Variants in MTRR observed in about 807,000 individuals in gnomAD.
The protein encoded by MTRR is 5-methyltetrahydrofolate-homocysteine methyltransferase reductase, also known as methionine synthase reductase.
Under a neutral mutation model 79.2 loss-of-function variants are expected in MTRR, and 63 were observed. The ratio of observed to expected loss-of-function variants is 0.80; its 90% confidence interval spans 0.65 to 0.98. The LOEUF (loss-of-function observed/expected upper bound fraction) is 0.98. Among genes scored for constraint, MTRR ranks in the 50% least tolerant of loss-of-function variants. MTRR has a pLI of 0.00. For missense variants in MTRR, 895 were observed against 839.6 expected (o/e 1.07, Z -0.82); for synonymous variants, 355 against 313.3 (o/e 1.13, Z -1.41).
chr5:7,898,107 A>C (rs916827807), intron 14 of MTRR, among the ~76,000 whole-genome samples: 1 of 152,266 alleles, frequency 6.6e-6, no homozygotes, highest in Non-Finnish European at 1.5e-5. Flanking sequence ...CTACTAAGTT[A>C]ATTTCATGTC....
chr5:7,860,312 A>C (rs1482973738), intron 1 of MTRR, among the ~76,000 whole-genome samples: 2 of 152,218 alleles, frequency 1.3e-5, no homozygotes, highest in Non-Finnish European at 2.9e-5. Context: ...CGCACTGCTG[A>C]GCCCTCACAT....
In MTRR at chr5:7,883,034, G is replaced by C. The variant is rs547452530; in HGVS notation, c.781-121G>C. On this transcript the variant is annotated intron_variant, in intron 5 of 14. Coordinates refer to ENST00000440940, the MANE Select transcript of MTRR (RefSeq NM_002454.3). ...ATATCTGCCCTCATTCATTTACCTT[G>C]GAAATGAATACTGAGTAGCCAGGAA... is the stretch of plus-strand genomic sequence containing the variant. 1.6e-4 allele frequency: 204 copies of C among 1,301,544 alleles called. 1 individual carries two copies. In the East Asian group the frequency reaches 3.5e-3, roughly 23 times the overall value. The allele number at this position is 1,301,544 out of a possible 1,614,324, so 80.6% of individuals were successfully genotyped here. A position where few individuals can be genotyped will look rare whatever the true frequency, so the allele number is the denominator to read the frequency against.
chr5:7,882,899 A>C (rs1358361424), intron 5 of MTRR, among the ~76,000 whole-genome samples: 1 of 152,238 alleles, frequency 6.6e-6, no homozygotes, highest in African/African-American at 2.4e-5. Context: ...AGATCTTTAC[A>C]TGAACATGCC....
At chr5:7,890,870 T>A (rs1217405661) in intron 9 of MTRR, among the ~76,000 whole-genome samples, 1 of 152,214 alleles carries the variant, frequency 6.6e-6, no homozygotes, top group African/African-American at 2.4e-5. Flanking sequence ...AACCAAACAC[T>A]TTAATTATTT....
At chr5:7,865,865 G>A (rs1372076639), upstream of MTRR, 3 of 1,512,066 alleles carry the variant, frequency 2.0e-6, no homozygotes, top group Middle Eastern at 1.7e-4. Context: ...GCACCCATGG[G>A]GAAATAAAGC....
At chr5:7,880,210 C>T (rs919072875) in intron 5 of MTRR, among the ~76,000 whole-genome samples, 1 of 152,214 alleles carries the variant, frequency 6.6e-6, no homozygotes, top group East Asian at 1.9e-4. Flanking sequence ...TAGCACGATG[C>T]CCCTGATAGA....
At chr5:7,851,002 T>C, upstream of MTRR, 1 of 1,274,474 alleles carries the variant, frequency 7.8e-7, no homozygotes, top group South Asian at 3.0e-5. Flanking sequence ...CGCGGTGGTC[T>C]CCTCCTCGTC....
At position 7,884,392 on chromosome 5, in the gene MTRR, A is replaced by G. The variant is rs115524625; in HGVS notation, c.903+1115A>G. Among the ~76,000 whole-genome samples the G allele has an allele frequency of 3.3e-3, 501 of 152,310 alleles. 4 individuals are homozygous for G. The highest frequency in any genetic ancestry group is 0.011 in the African/African-American group (460 of 41,554). ...ATGTAAAATGTTACAGTATTTGTAT[A>G]TAATCTATGCACATCCTCCCCTACA... is the stretch of plus-strand genomic sequence containing the variant. On this transcript the variant is annotated intron_variant, in intron 6 of 14. Transcript: ENST00000440940.
At chr5:7,891,156 A>G (rs996604351) in intron 9 of MTRR, among the ~76,000 whole-genome samples, 3 of 152,172 alleles carry the variant, frequency 2.0e-5, no homozygotes, top group Non-Finnish European at 2.9e-5. Flanking sequence ...GAGTAAGAAA[A>G]TGCATCTTAT....
chr5:7,860,980 G>C (rs1479823551), intron 1 of MTRR, among the ~76,000 whole-genome samples: 1 of 152,086 alleles, frequency 6.6e-6, no homozygotes, highest in Non-Finnish European at 1.5e-5. Flanking sequence ...CCTCCCTCTT[G>C]GGTTCCCAAG....
upstream of MTRR, chr5:7,869,129 C>T (rs778014024): frequency 1.2e-6 from 2 of 1,613,466 alleles, no homozygotes; most frequent in Admixed American, 1.7e-5. Context: ...TCCTGGGTAC[C>T]GAGCATGGGC....
At chr5:7,865,032 T>C (rs1462371655), upstream of MTRR, among the ~76,000 whole-genome samples, 1 of 152,186 alleles carries the variant, frequency 6.6e-6, no homozygotes, top group Non-Finnish European at 1.5e-5. Context: ...AAAGAATGCA[T>C]GTGATCTGTA....
chr5:7,869,012 C>G (rs1348687972), upstream of MTRR: 3 of 1,207,288 alleles, frequency 2.5e-6, no homozygotes, highest in African/African-American at 3.0e-5. Flanking sequence ...CGGGTGGTCG[C>G]GGAAGCGCCT....
In MTRR at chr5:7,899,849, G is replaced by A. The variant is rs1279150755; in HGVS notation, c.1953-65G>A. 6.3e-6 allele frequency: 10 copies of A among 1,587,914 alleles called. No individual in the cohort carries two copies. The Admixed American group carries it at 1.7e-4, about 26-fold the overall frequency. On this transcript the variant is annotated intron_variant, in intron 14 of 14. Coordinates refer to ENST00000440940, the MANE Select transcript of MTRR (RefSeq NM_002454.3). The stretch of plus-strand genomic sequence containing the variant: ...TACAGTCAAAAGGAATTAGACTTGT[G>A]AATTAAGGAGGATTTACTAAAAATG...
chr5:7,891,921 A>G (rs1301522155), intron 10 of MTRR, among the ~76,000 whole-genome samples: 2 of 152,186 alleles, frequency 1.3e-5, no homozygotes, highest in Non-Finnish European at 2.9e-5. Flanking sequence ...AGGCGCCTGT[A>G]GTCCCAGCTA....
chr5:7,866,674 G>A (rs898556569), upstream of MTRR: 2 of 1,596,388 alleles, frequency 1.3e-6, no homozygotes, highest in African/African-American at 2.7e-5. Flanking sequence ...AAAGAGGCTT[G>A]AATATTTTTG....
upstream of MTRR, chr5:7,867,984 G>A: frequency 6.2e-7 from 1 of 1,614,066 alleles, no homozygotes; most frequent in Non-Finnish European, 8.5e-7. Flanking sequence ...ACTACCTTGT[G>A]AACATGATTT....
At chr5:7,899,371 G>GCACC (rs1244870858) in intron 14 of MTRR, among the ~76,000 whole-genome samples, 1 of 152,212 alleles carries the variant, frequency 6.6e-6, no homozygotes, top group African/African-American at 2.4e-5. Flanking sequence ...AGAGAGGACT[G>GCACC]CAAGAGCACC....
intron 6 of MTRR, among the ~76,000 whole-genome samples, chr5:7,884,279 A>G (rs1736053836): frequency 1.3e-5 from 2 of 152,212 alleles, no homozygotes; most frequent in South Asian, 4.1e-4. Context: ...CTCTCCCAAA[A>G]AATGATTACA....
Sources: gnomAD v4.1 joint callset for allele counts (sites outside exome capture counted in the v4.1 genomes callset) on GRCh38, gnomAD v4.1.1 for gene constraint, MANE v1.5 for transcripts, NCBI Gene and HGNC (gene_info 2026-07-23, HGNC 2026-07-21) for gene names.